The following CADM2 variants were observed in gnomAD, a reference collection of about 807,000 sequenced individuals.
CADM2 encodes the protein cell adhesion molecule 2.
A neutral mutation model predicts 49.8 loss-of-function variants in CADM2; 12 were observed. That is an observed-to-expected ratio of 0.24 (90% confidence interval 0.15 to 0.39). The LOEUF (loss-of-function observed/expected upper bound fraction) is 0.39. Ranked by LOEUF, CADM2 falls within the 10% of genes least tolerant of loss-of-function variation. CADM2 has a pLI of 1.00. For synonymous variants in CADM2, 214 were observed against 175.4 expected (o/e 1.22, Z -1.74); for missense variants, 378 against 492.3 (o/e 0.77, Z 2.20).
At chr3:85,616,128 C>T (rs1206196216) in intron 1 of CADM2, among the ~76,000 whole-genome samples, 1 of 151,482 alleles carries the variant, frequency 6.6e-6, no homozygotes, top group African/African-American at 2.4e-5. Context: ...TGAATTAATC[C>T]TCATTTTAAA....
intron 1 of CADM2, among the ~76,000 whole-genome samples, chr3:85,541,502 T>TA (rs57813006): frequency 0.51 from 76,396 of 149,480 alleles, 22,546 homozygotes; most frequent in East Asian, 0.85. Flanking sequence ...ATAGGAGAAC[T>TA]TATATTAAAA....
At chr3:85,462,978 T>G (rs1372223345) in intron 1 of CADM2, among the ~76,000 whole-genome samples, 2 of 152,168 alleles carry the variant, frequency 1.3e-5, no homozygotes, top group African/African-American at 4.8e-5. Context: ...CCATTTTTCA[T>G]GCCTTCGTTT....
chr3:85,071,063 A>G (rs893488242), intron 1 of CADM2, among the ~76,000 whole-genome samples: 1 of 151,756 alleles, frequency 6.6e-6, no homozygotes, highest in African/African-American at 2.4e-5. Flanking sequence ...TGTCTTGTAT[A>G]GTGACTAACA....
chr3:85,584,332 C>A (rs1286018965), intron 1 of CADM2, among the ~76,000 whole-genome samples: 2 of 151,964 alleles, frequency 1.3e-5, no homozygotes, highest in African/African-American at 4.8e-5. Flanking sequence ...AATCCCTCTA[C>A]CTTAATCACT....
At chr3:85,676,699 G>C (rs2065895382) in intron 1 of CADM2, among the ~76,000 whole-genome samples, 1 of 151,674 alleles carries the variant, frequency 6.6e-6, no homozygotes, top group Non-Finnish European at 1.5e-5. Flanking sequence ...AAAAAAACAT[G>C]CGTAATACTT....
intron 1 of CADM2, among the ~76,000 whole-genome samples, chr3:85,127,996 T>G (rs2039094462): frequency 6.6e-6 from 1 of 152,232 alleles, no homozygotes; most frequent in South Asian, 2.1e-4. Context: ...TCAGTCACAC[T>G]AGCCCCATTT....
chr3:85,604,047 G>A (rs77735957), intron 1 of CADM2, among the ~76,000 whole-genome samples: 1,722 of 151,802 alleles, frequency 0.011, 37 homozygotes, highest in African/African-American at 0.039. Context: ...TACTCAGAAC[G>A]TGTTGTTTTA....
intron 1 of CADM2, among the ~76,000 whole-genome samples, chr3:85,172,206 C>A (rs2040647446): frequency 6.6e-6 from 1 of 152,126 alleles, no homozygotes; most frequent in South Asian, 2.1e-4. Flanking sequence ...GGGTGAGCCC[C>A]AGTTTCTATT....
chr3:85,518,853 C>A (rs1468668406), intron 1 of CADM2, among the ~76,000 whole-genome samples: 1 of 152,072 alleles, frequency 6.6e-6, no homozygotes, highest in African/African-American at 2.4e-5. Context: ...GTCACCTCGG[C>A]AAAGATTTTT....
chr3:85,085,483 C>T (rs1371667908), intron 1 of CADM2, among the ~76,000 whole-genome samples: 2 of 151,662 alleles, frequency 1.3e-5, no homozygotes, highest in African/African-American at 4.8e-5. Context: ...GTGTACACAC[C>T]ACATTTTCTT....
chr3:84,996,580 AT>A (rs1307362111), intron 1 of CADM2, among the ~76,000 whole-genome samples: 2 of 152,114 alleles, frequency 1.3e-5, no homozygotes, highest in Admixed American at 6.5e-5. Flanking sequence ...ATGATAAAAA[AT>A]ATTATGAAAT....
intron 1 of CADM2, among the ~76,000 whole-genome samples, chr3:85,186,755 G>C (rs948363871): frequency 1.3e-5 from 2 of 151,760 alleles, no homozygotes; most frequent in African/African-American, 4.8e-5. Flanking sequence ...GGACAAAATT[G>C]CTCCTGATTG....
At chr3:85,371,105 A>G (rs1021620734) in intron 1 of CADM2, among the ~76,000 whole-genome samples, 1 of 152,178 alleles carries the variant, frequency 6.6e-6, no homozygotes, top group Non-Finnish European at 1.5e-5. Flanking sequence ...TTATAAAGTA[A>G]AAACGTTACA....
Position 85,123,940 on chromosome 3 carries a change from C to T in CADM2, c.61+164272C>T, listed in dbSNP as rs139337840. ...GACAGAAGCCATATCTATGTTTGAACTCAACTCTGGAAACAAATGTTGGGC... is the reference window on the plus strand; with the variant it reads ...GACAGAAGCCATATCTATGTTTGAATTCAACTCTGGAAACAAATGTTGGGC... On this transcript the variant is annotated intron_variant, in intron 1 of 9. Transcript: ENST00000383699. Among the ~76,000 whole-genome samples, 351 of 152,294 alleles carry T rather than the reference C, an allele frequency of 2.3e-3. 2 individuals carry two copies. Among genetic ancestry groups the T allele is most frequent in the Non-Finnish European group, 4.0e-3 (271 of 68,030 alleles).
chr3:86,014,626 A>G, intron 8 of CADM2: 1 of 1,588,894 alleles, frequency 6.3e-7, no homozygotes, highest in Admixed American at 1.7e-5. Flanking sequence ...TTCTTAGAAC[A>G]GCACCTCAAA....
intron 1 of CADM2, among the ~76,000 whole-genome samples, chr3:85,336,072 G>A (rs778757339): frequency 5.9e-5 from 9 of 151,360 alleles, no homozygotes; most frequent in Non-Finnish European, 1.3e-4. Context: ...CAATTTCATA[G>A]GTTCCATTTT....
chr3:85,645,179 A>G (rs1230545195), intron 1 of CADM2, among the ~76,000 whole-genome samples: 2 of 152,140 alleles, frequency 1.3e-5, no homozygotes, highest in Non-Finnish European at 2.9e-5. Flanking sequence ...GATTTATGAA[A>G]AATAAAAATT....
intron 7 of CADM2, among the ~76,000 whole-genome samples, chr3:85,949,538 T>C (rs890899911): frequency 6.6e-6 from 1 of 151,292 alleles, no homozygotes; most frequent in Non-Finnish European, 1.5e-5. Flanking sequence ...CCAAAACTCC[T>C]CTGTTTAATA....
chr3:85,367,277 C>G (rs1402717564), intron 1 of CADM2, among the ~76,000 whole-genome samples: 1 of 151,864 alleles, frequency 6.6e-6, no homozygotes, highest in African/African-American at 2.4e-5. Flanking sequence ...TTTTTCAGTT[C>G]CATAAATATT....
Sources: gnomAD v4.1 joint callset for allele counts (sites outside exome capture counted in the v4.1 genomes callset) on GRCh38, gnomAD v4.1.1 for gene constraint, MANE v1.5 for transcripts, NCBI Gene and HGNC (gene_info 2026-07-23, HGNC 2026-07-21) for gene names.